The following NRG1 variants were observed in gnomAD, a reference collection of about 807,000 sequenced individuals.
NRG1 encodes neuregulin 1, also known as pro-neuregulin-1, membrane-bound isoform.
A neutral mutation model predicts 63.8 loss-of-function variants in NRG1; 18 were observed. That is an observed-to-expected ratio of 0.28 (90% CI 0.19 to 0.42). The LOEUF (loss-of-function observed/expected upper bound fraction) is 0.42. NRG1 is among the 10% of genes least tolerant of loss of function. The pLI is 1.00. For synonymous variants in NRG1, 302 were observed against 301.3 expected (o/e 1.00, Z -0.02); for missense variants, 762 against 814.7 (o/e 0.94, Z 0.79).
intron 1 of NRG1, among the ~76,000 whole-genome samples, chr8:32,475,091 C>T (rs965431427): frequency 1.3e-5 from 2 of 152,002 alleles, no homozygotes; most frequent in African/African-American, 4.8e-5. Context: ...TGAAAAAGCC[C>T]CAAGTGTTAG....
At chr8:32,446,491 C>T (rs1303884717) in intron 1 of NRG1, among the ~76,000 whole-genome samples, 1 of 152,118 alleles carries the variant, frequency 6.6e-6, no homozygotes, top group Non-Finnish European at 1.5e-5. Flanking sequence ...CCTGTCTCTA[C>T]AAAAAATACA....
At chr8:31,701,737 A>T (rs1167715705) in intron 1 of NRG1, among the ~76,000 whole-genome samples, 1 of 152,158 alleles carries the variant, frequency 6.6e-6, no homozygotes, top group East Asian at 1.9e-4. Context: ...CCATCTCTCT[A>T]TTCCAACATA....
intron 5 of NRG1, among the ~76,000 whole-genome samples, chr8:32,710,737 T>C (rs1817605303): frequency 6.6e-6 from 1 of 152,236 alleles, no homozygotes; most frequent in Non-Finnish European, 1.5e-5. Flanking sequence ...ATAACTTTCA[T>C]ATTATACTTT....
At chr8:31,912,413 AC>A (rs1833020639) in intron 1 of NRG1, among the ~76,000 whole-genome samples, 1 of 151,788 alleles carries the variant, frequency 6.6e-6, no homozygotes, top group Non-Finnish European at 1.5e-5. Flanking sequence ...CAGTGTGGGG[AC>A]CCTGGAAGCA....
At chr8:31,906,394 G>A (rs1381750023) in intron 1 of NRG1, among the ~76,000 whole-genome samples, 1 of 152,144 alleles carries the variant, frequency 6.6e-6, no homozygotes, top group African/African-American at 2.4e-5. Flanking sequence ...ATGTAGGAGG[G>A]ACAATACAGT....
chr8:32,349,383 A>G (rs1193024365), intron 1 of NRG1, among the ~76,000 whole-genome samples: 1 of 152,206 alleles, frequency 6.6e-6, no homozygotes, highest in Admixed American at 6.5e-5. Context: ...TTCCAAAACT[A>G]GGAATTCCAA....
At chr8:31,781,437 G>A (rs1214577532) in intron 1 of NRG1, among the ~76,000 whole-genome samples, 1 of 152,158 alleles carries the variant, frequency 6.6e-6, no homozygotes, top group African/African-American at 2.4e-5. Context: ...AACAAGAAAA[G>A]CACATTTCCC....
intron 1 of NRG1, among the ~76,000 whole-genome samples, chr8:31,877,011 A>C (rs1158252583): frequency 2.0e-5 from 3 of 152,202 alleles, no homozygotes; most frequent in Non-Finnish European, 4.4e-5. Flanking sequence ...AAAGGAAAGA[A>C]TAGCTGATTA....
At chr8:32,290,459 A>C (rs1306062490) in intron 1 of NRG1, among the ~76,000 whole-genome samples, 1 of 152,120 alleles carries the variant, frequency 6.6e-6, no homozygotes, top group Admixed American at 6.5e-5. Context: ...ACCATTTCAC[A>C]TATGATTGCA....
intron 1 of NRG1, among the ~76,000 whole-genome samples, chr8:32,206,997 C>T (rs1176299410): frequency 2.0e-5 from 3 of 152,128 alleles, no homozygotes; most frequent in Non-Finnish European, 2.9e-5. Context: ...CACCATAATC[C>T]ATCTATCTCC....
At chr8:31,886,157 A>C (rs1164977871) in intron 1 of NRG1, among the ~76,000 whole-genome samples, 2 of 152,124 alleles carry the variant, frequency 1.3e-5, no homozygotes, top group Non-Finnish European at 2.9e-5. Context: ...TTAATTGAAC[A>C]GTTGTGTTAA....
chr8:32,079,060 T>A (rs1827036782), intron 1 of NRG1, among the ~76,000 whole-genome samples: 1 of 151,978 alleles, frequency 6.6e-6, no homozygotes, highest in African/African-American at 2.4e-5. Context: ...GGGACAGGCA[T>A]ATGGAAAGAA....
At chr8:31,958,291 A>G (rs781237359) in intron 1 of NRG1, among the ~76,000 whole-genome samples, 3 of 152,224 alleles carry the variant, frequency 2.0e-5, no homozygotes, top group Non-Finnish European at 4.4e-5. Context: ...TAAGAATAGA[A>G]TATAGGAATA....
intron 1 of NRG1, among the ~76,000 whole-genome samples, chr8:32,520,608 T>C (rs1830247879): frequency 1.3e-5 from 2 of 152,340 alleles, no homozygotes; most frequent in African/African-American, 2.4e-5. Context: ...TTTACTCTTT[T>C]TATGTTGTCT....
chr8:31,651,220 A>G (rs1428835059), intron 1 of NRG1, among the ~76,000 whole-genome samples: 2 of 152,124 alleles, frequency 1.3e-5, no homozygotes. Context: ...TGTGTCATTT[A>G]AAAAAATATT....
At chr8:32,378,632 T>A (rs4733321) in intron 1 of NRG1, among the ~76,000 whole-genome samples, 58,991 of 152,026 alleles carry the variant, frequency 0.39, 12,075 homozygotes, top group Admixed American at 0.45. Context: ...ATCTTTTTTT[T>A]ATATACTTTA....
chr8:32,256,155 G>A (rs1270997797), intron 1 of NRG1, among the ~76,000 whole-genome samples: 1 of 151,514 alleles, frequency 6.6e-6, no homozygotes, highest in Non-Finnish European at 1.5e-5. Context: ...GGAGGAGCTT[G>A]TTATTACCCA....
chr8:31,904,511 C>A (rs1445284774), intron 1 of NRG1, among the ~76,000 whole-genome samples: 2 of 152,158 alleles, frequency 1.3e-5, no homozygotes, highest in Non-Finnish European at 2.9e-5. Context: ...TTTGACCTGG[C>A]AATCCTATTA....
At chr8:32,352,831 T>A (rs1025974219) in intron 1 of NRG1, among the ~76,000 whole-genome samples, 2 of 152,020 alleles carry the variant, frequency 1.3e-5, no homozygotes, top group East Asian at 3.9e-4. Context: ...TGAGCTATGA[T>A]CTTGCAACTG....
Sources: gnomAD v4.1 joint callset for allele counts (sites outside exome capture counted in the v4.1 genomes callset) on GRCh38, gnomAD v4.1.1 for gene constraint, MANE v1.5 for transcripts, NCBI Gene and HGNC (gene_info 2026-07-23, HGNC 2026-07-21) for gene names.